Variants in DOC2B observed in about 807,000 individuals in gnomAD.
The protein encoded by DOC2B is double C2 domain beta.
In DOC2B, 21 loss-of-function variants were observed where a neutral mutation model predicts 28.9. The ratio of observed to expected loss-of-function variants is 0.73; its 90% CI spans 0.52 to 1.05. The LOEUF (loss-of-function observed/expected upper bound fraction) is 1.05. Ranked by LOEUF, DOC2B falls within the 50% of genes least tolerant of loss-of-function variation. The pLI is 0.00. For missense variants in DOC2B, 384 were observed against 421.1 expected (o/e 0.91, Z 0.77); for synonymous variants, 194 against 178.1 (o/e 1.09, Z -0.71).
At chr17:160,203 C>G (rs1555523051) in intron 5 of DOC2B, among the ~76,000 whole-genome samples, 1 of 152,102 alleles carries the variant, frequency 6.6e-6, no homozygotes, top group South Asian at 2.1e-4. Flanking sequence ...CAGGCTCTCT[C>G]GAACTCTTGA....
Position 142,977 on chromosome 17 carries a change from C to T in DOC2B, c.*4464G>A, listed in dbSNP as rs1420625160. The T allele has an allele frequency of 3.3e-5, 5 of 152,158 alleles. 1 individual carries two copies. The highest frequency in any genetic ancestry group is 1.2e-4 in the African/African-American group (5 of 41,440). 9.4% of individuals were successfully genotyped at this position (152,158 alleles called of 1,614,324 possible). A position where few individuals can be genotyped will look rare whatever the true frequency, so the allele number is the denominator to read the frequency against. ...GAAGGTTTATTTTTTTCCCTCCAAA[C>T]CTAAGCAGTACATGTCTTAAATTAC... On this transcript the variant is annotated 3_prime_UTR_variant, in exon 9 of 9. Coordinates refer to ENST00000613549, the MANE Select transcript of DOC2B (RefSeq NM_003585.5).
At position 181,482 on chromosome 17, in the gene DOC2B, A is replaced by T; in HGVS notation, c.-3T>A. 1 of 1,048,250 alleles carries T rather than the reference A, an allele frequency of 9.5e-7. No individual in the cohort carries two copies. Among genetic ancestry groups the T allele is most frequent in the Non-Finnish European group, 1.1e-6 (1 of 871,262 alleles). 64.9% of individuals were successfully genotyped at this position (1,048,250 alleles called of 1,614,324 possible). Reference sequence around the variant, plus strand: ...TCCCCGCGCCGCCGGAGGGTCATGCAGGCAGCGCCGCCCCGCCCCGGGCGC... The same window carrying T: ...TCCCCGCGCCGCCGGAGGGTCATGCTGGCAGCGCCGCCCCGCCCCGGGCGC... On this transcript the variant is annotated 5_prime_UTR_variant, in exon 1 of 9. Coordinates refer to ENST00000613549, the MANE Select transcript of DOC2B (RefSeq NM_003585.5). The surrounding 1 kb of genome is among the most constrained non-coding windows in gnomAD (Gnocchi z 7.0).
intron 6 of DOC2B, 79 bp downstream of exon 6, chr17:156,141 G>A (rs2151462217): frequency 2.1e-6 from 3 of 1,450,524 alleles, no homozygotes; most frequent in East Asian, 5.2e-5. Context: ...CCTGCCACCT[G>A]GGACCACGGA....
chr17:157,052 G>T (rs911348346), intron 5 of DOC2B, among the ~76,000 whole-genome samples: 5 of 152,238 alleles, frequency 3.3e-5, no homozygotes, highest in African/African-American at 7.2e-5. Flanking sequence ...GGACAGAGCT[G>T]CATGGTGGCC....
chr17:177,360 A>G (rs8070440), intron 1 of DOC2B, among the ~76,000 whole-genome samples: 136,241 of 152,284 alleles, frequency 0.89, 61,043 homozygotes, highest in Admixed American at 0.91. Context: ...TGATATGACC[A>G]CTTTGGCCTC....
At chr17:161,367 C>A (rs1555523202) in intron 5 of DOC2B, 48 bp downstream of exon 5, 2 of 1,542,568 alleles carry the variant, frequency 1.3e-6, no homozygotes, top group Non-Finnish European at 8.8e-7. Flanking sequence ...CTTCCCAGCA[C>A]CTGCCACCGA....
At chr17:174,592 C>T (rs1327536898) in intron 1 of DOC2B, among the ~76,000 whole-genome samples, 4 of 152,176 alleles carry the variant, frequency 2.6e-5, no homozygotes, top group African/African-American at 7.2e-5. Flanking sequence ...CCGTATGTCA[C>T]GGTCATGTTC....
intron 1 of DOC2B, among the ~76,000 whole-genome samples, 195 bp downstream of exon 1, chr17:180,912 G>T (rs973055478): frequency 6.6e-6 from 1 of 151,852 alleles, no homozygotes; most frequent in Non-Finnish European, 1.5e-5. Flanking sequence ...TGGGTCGGGG[G>T]AGGGCTCGAG....
chr17:161,314 CACTCTGCCCCTCAT>C, intron 5 of DOC2B, 87 bp downstream of exon 5: 7 of 1,260,526 alleles, frequency 5.6e-6, no homozygotes, highest in Non-Finnish European at 7.8e-6. Context: ...CCTCCCCTCT[CACTCTGCCCCTCAT>C]GAGTCCCATC....
At chr17:169,965 CAG>C (rs2040293004) in intron 2 of DOC2B, among the ~76,000 whole-genome samples, 2 of 152,348 alleles carry the variant, frequency 1.3e-5, no homozygotes, top group South Asian at 4.1e-4. Flanking sequence ...CATGTACACA[CAG>C]AGACACACAT....
chr17:156,530 T>G (rs2040138120), intron 5 of DOC2B, among the ~76,000 whole-genome samples, 153 bp from the exon 6 acceptor site: 1 of 152,092 alleles, frequency 6.6e-6, no homozygotes, highest in Admixed American at 6.5e-5. Context: ...TCACAGCCCT[T>G]CTGTCATCTC....
chr17:177,895 T>C (rs1423548247), intron 1 of DOC2B, among the ~76,000 whole-genome samples: 1 of 152,256 alleles, frequency 6.6e-6, no homozygotes, highest in African/African-American at 2.4e-5. Flanking sequence ...GCTCCAGACC[T>C]GCACAGGCAT....
chr17:176,409 G>T (rs1430107658), intron 1 of DOC2B, among the ~76,000 whole-genome samples: 1 of 151,942 alleles, frequency 6.6e-6, no homozygotes, highest in East Asian at 1.9e-4. Flanking sequence ...GTGCGGGGGG[G>T]TAGGTCTCAC....
Position 146,936 on chromosome 17 carries a change from T to C in DOC2B, c.*505A>G, listed in dbSNP as rs1351595869. 2 of 153,464 alleles carry C rather than the reference T, an allele frequency of 1.3e-5. No homozygotes were observed. The highest frequency in any genetic ancestry group is 3.8e-4 in the East Asian group (2 of 5,232). 9.5% of individuals were successfully genotyped at this position (153,464 alleles called of 1,614,324 possible). ...AGCCTCCGGGAACTCTGGCAGACTT[T>C]CGGCCGGCAGGCCCGCTTCTTCCAT... On this transcript the variant is annotated 3_prime_UTR_variant, in exon 9 of 9. Transcript: ENST00000613549.
At position 164,218 on chromosome 17, in the gene DOC2B, A is replaced by G; in HGVS notation, c.454-14T>C. The G allele has an allele frequency of 6.5e-7, 1 of 1,539,708 alleles. No individual in the cohort carries two copies. On this transcript the variant is annotated splice_polypyrimidine_tract_variant and intron_variant, in intron 2 of 8. Transcript: ENST00000613549. ...TGGCTTCAGGCCCTGGGCAGAGAAG[A>G]GCAAACGGTGTGAACTGGAAATCGG...
chr17:163,284 G>C (rs1555523496), intron 3 of DOC2B, among the ~76,000 whole-genome samples: 1 of 152,082 alleles, frequency 6.6e-6, no homozygotes, highest in African/African-American at 2.4e-5. Flanking sequence ...TCAAGACCCT[G>C]TGTGGGGAGC....
intron 2 of DOC2B, among the ~76,000 whole-genome samples, chr17:165,816 G>A (rs552201538): frequency 2.6e-5 from 4 of 152,368 alleles, no homozygotes; most frequent in African/African-American, 9.6e-5. Flanking sequence ...AGAGTTCTGG[G>A]AATCTGGTGG....
intron 1 of DOC2B, among the ~76,000 whole-genome samples, chr17:179,315 G>A (rs2040406705): frequency 6.6e-6 from 1 of 151,970 alleles, no homozygotes; most frequent in African/African-American, 2.4e-5. Flanking sequence ...AAGGGCTGCT[G>A]AGCTGATGGA....
chr17:170,306 G>C (rs567311384), intron 2 of DOC2B, among the ~76,000 whole-genome samples: 2 of 152,190 alleles, frequency 1.3e-5, no homozygotes, highest in East Asian at 1.9e-4. Context: ...GGGATGGAGC[G>C]TGCAGGCCTC....
Sources: gnomAD v4.1 joint callset for allele counts (sites outside exome capture counted in the v4.1 genomes callset) on GRCh38, gnomAD v4.1.1 for gene constraint, Gnocchi (gnomAD v3.1) non-coding constraint, MANE v1.5 for transcripts, NCBI Gene and HGNC (gene_info 2026-07-23, HGNC 2026-07-21) for gene names.